Variants in RRM1 observed in about 807,000 individuals in gnomAD.
RRM1 encodes ribonucleoside-diphosphate reductase large subunit.
RRM1 carries 19 observed loss-of-function variants against 101.5 expected under a neutral mutation model. The observed-to-expected ratio is 0.19, with a 90% CI of 0.13 to 0.27. The LOEUF (loss-of-function observed/expected upper bound fraction) is 0.27, where lower values mean the gene tolerates loss of function less well. Ranked by LOEUF, RRM1 falls within the 10% of genes least tolerant of loss-of-function variation. The pLI, the probability that RRM1 is intolerant of heterozygous loss-of-function variation, is 1.00. For missense variants in RRM1, 500 were observed against 962.9 expected (o/e 0.52, Z 6.36); for synonymous variants, 298 against 323.4 (o/e 0.92, Z 0.84).
At chr11:4,118,905 GA>G (rs2094577672) in intron 8 of RRM1, among the ~76,000 whole-genome samples, 1 of 152,118 alleles carries the variant, frequency 6.6e-6, no homozygotes, top group Non-Finnish European at 1.5e-5. Context: ...TACAAGTGAG[GA>G]AATTGAGACT....
chr11:4,112,381 T>C (rs1038001370), intron 7 of RRM1, among the ~76,000 whole-genome samples: 3 of 152,116 alleles, frequency 2.0e-5, no homozygotes, highest in Non-Finnish European at 4.4e-5. Flanking sequence ...TTTTTGTTGT[T>C]GAGACAAAGT....
intron 14 of RRM1, among the ~76,000 whole-genome samples, chr11:4,128,381 G>C (rs1413617886): frequency 2.6e-5 from 4 of 152,050 alleles, no homozygotes; most frequent in Non-Finnish European, 2.9e-5. Context: ...CAAAGTGCTG[G>C]GATTACAGGC....
At chr11:4,136,751 TTTG>T (rs869215114) in intron 18 of RRM1, among the ~76,000 whole-genome samples, 7 of 151,892 alleles carry the variant, frequency 4.6e-5, no homozygotes, top group East Asian at 3.9e-4. Context: ...TGTTTGTTTG[TTTG>T]TTTTTTCTTT....
intron 9 of RRM1, among the ~76,000 whole-genome samples, chr11:4,120,597 C>T (rs2094580275): frequency 6.6e-6 from 1 of 152,154 alleles, no homozygotes; most frequent in African/African-American, 2.4e-5. Context: ...AACTCCTAGG[C>T]TCAAGCAATC....
Position 4,129,142 on chromosome 11 carries a change from G to T in RRM1, c.1761G>T (p.Lys587Asn). ...DLWDWKVLKEKIAKYGIRNSL... is the reference protein window; with the variant it reads ...DLWDWKVLKENIAKYGIRNSL... ...GGGACTGGAAGGTTCTCAAGGAGAA[G>T]ATTGCAAAGTAAGTGAAAAGATGTA... The change falls in exon 15 of 19, where the codon AAG becomes AAT. Residue 587 changes from lysine to asparagine, a missense_variant. Transcript: ENST00000300738. 1 of 1,596,108 alleles carries T rather than the reference G, an allele frequency of 6.3e-7. No individual in the cohort carries two copies. The highest frequency in any genetic ancestry group is 1.3e-5 in the African/African-American group (1 of 74,508).
chr11:4,113,968 A>T (rs1041453906), intron 7 of RRM1, among the ~76,000 whole-genome samples: 8 of 151,898 alleles, frequency 5.3e-5, no homozygotes, highest in Middle Eastern at 3.2e-3. Flanking sequence ...CTGTACTAAA[A>T]ATATAGATAT....
chr11:4,112,137 T>G (rs2094566447), intron 7 of RRM1, 75 bp downstream of exon 7: 4 of 1,164,060 alleles, frequency 3.4e-6, no homozygotes, highest in Non-Finnish European at 4.9e-6. Flanking sequence ...AAAAAATAAT[T>G]TAATGACCTT....
chr11:4,134,366 CAAGCTTAATTAAAAATCA>C (rs979802066), intron 17 of RRM1, among the ~76,000 whole-genome samples: 3 of 152,128 alleles, frequency 2.0e-5, no homozygotes, highest in African/African-American at 7.2e-5. Context: ...TTAAGAGAGT[CAAGCTTAATTAAAAATCA>C]TGGTTGACGA....
chr11:4,103,400 G>A (rs2094554239), intron 2 of RRM1, among the ~76,000 whole-genome samples: 1 of 151,810 alleles, frequency 6.6e-6, no homozygotes, highest in African/African-American at 2.4e-5. Context: ...TTATAGATAA[G>A]AAAGTTCCAA....
At position 4,122,200 on chromosome 11, in the gene RRM1, A is replaced by G; in HGVS notation, c.1098A>G (p.Glu366=). The change falls in exon 11 of 19, where the codon GAA becomes GAG. Residue 366 remains glutamate (E), a synonymous_variant. Transcript: ENST00000300738. ...CPGLDEVWGE[E]FEKLYASYEK... ...GTCTGGATGAGGTTTGGGGAGAGGA[A>G]TTTGAGAAACTATATGCAAGGTATG... 6.2e-7 allele frequency: 1 copy of G among 1,611,864 alleles called. No homozygotes were observed. The highest frequency in any genetic ancestry group is 8.5e-7 in the Non-Finnish European group (1 of 1,178,086).
At chr11:4,135,408 C>G (rs752238155) in intron 18 of RRM1, 138 bp downstream of exon 18, 3 of 620,156 alleles carry the variant, frequency 4.8e-6, no homozygotes, top group Non-Finnish European at 7.8e-6. Flanking sequence ...TTAAAACCAA[C>G]CCATGGTTTT....
At chr11:4,130,086 A>ATATATATATATATATATATATATATT (rs1202870487) in intron 15 of RRM1, among the ~76,000 whole-genome samples, 1 of 99,484 alleles carries the variant, frequency 1.0e-5, no homozygotes, top group African/African-American at 5.4e-5. Context: ...ATATATATAT[A>ATATATATATATATATATATATATATT]TTTTTTTTTT....
chr11:4,118,485 T>C, intron 8 of RRM1, 24 bp downstream of exon 8: 1 of 1,613,282 alleles, frequency 6.2e-7, no homozygotes, highest in Non-Finnish European at 8.5e-7. Context: ...ATTTGACTTT[T>C]AAAGGGGGAT....
chr11:4,125,039 C>T (rs1014890265), intron 12 of RRM1, among the ~76,000 whole-genome samples: 2 of 151,600 alleles, frequency 1.3e-5, no homozygotes, highest in South Asian at 2.1e-4. Flanking sequence ...CTCAGCCTCC[C>T]GAGTAGCTGG....
chr11:4,117,677 GTATT>G (rs2094575600), intron 7 of RRM1, among the ~76,000 whole-genome samples: 1 of 152,164 alleles, frequency 6.6e-6, no homozygotes, highest in Admixed American at 6.5e-5. Flanking sequence ...CAAGTACAGA[GTATT>G]TGTTACATCA....
At chr11:4,133,431 AAGAT>A (rs2094603735) in intron 16 of RRM1, 128 bp from the exon 17 acceptor site, 1 of 553,702 alleles carries the variant, frequency 1.8e-6, no homozygotes, top group Non-Finnish European at 3.2e-6. Context: ...GTCTTTATAA[AAGAT>A]AGAATTTACC....
intron 1 of RRM1, among the ~76,000 whole-genome samples, chr11:4,101,295 A>G (rs964522769): frequency 5.9e-5 from 9 of 151,880 alleles, no homozygotes; most frequent in African/African-American, 1.9e-4. Flanking sequence ...GCACAGGACA[A>G]GTGGTATAGG....
Position 4,132,066 on chromosome 11 carries a change from C to T in RRM1, c.1770-220C>T, listed in dbSNP as rs1200150390. On this transcript the variant is annotated intron_variant, in intron 15 of 18. Coordinates refer to ENST00000300738, the MANE Select transcript of RRM1 (RefSeq NM_001033.5). This position sits in a 1 kb window ranked among gnomAD's most constrained non-coding sequence, Gnocchi z 4.1. Reference sequence around the variant, plus strand: ...AATTGTACTAATTCAGTTTAGGAGTCAGGCATTTAAGAGGAGAGTGGGCTA... The same window carrying T: ...AATTGTACTAATTCAGTTTAGGAGTTAGGCATTTAAGAGGAGAGTGGGCTA... 1.3e-5 allele frequency among the ~76,000 whole-genome samples: 2 copies of T among 152,170 alleles called. No homozygotes were observed. Among genetic ancestry groups the T allele is most frequent in the African/African-American group, 2.4e-5 (1 of 41,432 alleles).
chr11:4,124,921 T>TTTA lies in RRM1; in HGVS notation c.1320+1539_1320+1540insATT, dbSNP rs1167695803. On this transcript the variant is annotated intron_variant, in intron 12 of 18. Coordinates refer to ENST00000300738, the MANE Select transcript of RRM1 (RefSeq NM_001033.5). ...CTAATTGTAGTATTTATTTATTTTATTTTTTTTTTTTTGAGACAGAGTCTT... is the reference window on the plus strand; with the variant it reads ...CTAATTGTAGTATTTATTTATTTTATTTATTTTTTTTTTTTGAGACAGAGTCTT... Among the ~76,000 whole-genome samples, 92 of 92,342 alleles carry TTTA rather than the reference T, an allele frequency of 1.0e-3. 1 individual carries two copies. The highest frequency in any genetic ancestry group is 7.1e-4 in the South Asian group (2 of 2,836). The allele number at this position is 92,342 out of a possible 152,430, so 60.6% of individuals were successfully genotyped here. A position where few individuals can be genotyped will look rare whatever the true frequency, so the allele number is the denominator to read the frequency against.
Sources: allele counts gnomAD v4.1 joint callset (sites outside exome capture counted in the v4.1 genomes callset), GRCh38; gene constraint gnomAD v4.1.1; non-coding constraint Gnocchi (gnomAD v3.1); transcripts MANE v1.5; gene names NCBI Gene and HGNC (gene_info 2026-07-23, HGNC 2026-07-21).